ABTB3: variants seen among roughly 807,000 people sequenced by gnomAD.
ABTB3 encodes the protein ankyrin repeat and BTB domain containing 3.
the ABTB3 span, among the ~76,000 whole-genome samples, chr12:107,595,444 A>G: frequency 6.6e-6 from 1 of 152,156 alleles, no homozygotes; most frequent in African/African-American, 2.4e-5. Context: ...CAATGGGGGG[A>G]AAAGAAATGC....
chr12:107,439,595 G>A, the ABTB3 span, among the ~76,000 whole-genome samples: 6 of 151,894 alleles, frequency 4.0e-5, no homozygotes, highest in African/African-American at 7.3e-5. Flanking sequence ...CTTTTCTCCC[G>A]GCCCAGCACA....
chr12:107,337,053 C>G, the ABTB3 span, among the ~76,000 whole-genome samples: 1 of 152,200 alleles, frequency 6.6e-6, no homozygotes, highest in Non-Finnish European at 1.5e-5. Context: ...GCCCATTATC[C>G]CTTTGTACCC....
At chr12:107,390,320 G>C in the ABTB3 span, among the ~76,000 whole-genome samples, 1 of 152,228 alleles carries the variant, frequency 6.6e-6, no homozygotes, top group South Asian at 2.1e-4. Context: ...ATGGATGAGA[G>C]AATAGCCTTA....
chr12:107,578,964 C>T, the ABTB3 span, among the ~76,000 whole-genome samples: 6 of 152,306 alleles, frequency 3.9e-5, no homozygotes, highest in East Asian at 3.9e-4. Context: ...GGAGCTGCGG[C>T]GGGAGCCGTG....
At chr12:107,423,743 T>C in the ABTB3 span, among the ~76,000 whole-genome samples, 46 of 152,294 alleles carry the variant, frequency 3.0e-4, no homozygotes, top group South Asian at 9.1e-3. Flanking sequence ...CTGATACCAC[T>C]CCAGGCCTGT....
chr12:107,433,675 T>C, the ABTB3 span, among the ~76,000 whole-genome samples: 1 of 152,054 alleles, frequency 6.6e-6, no homozygotes, highest in Non-Finnish European at 1.5e-5. Context: ...AGATGTAAGC[T>C]CTAGAATTAT....
chr12:107,522,323 G>A, the ABTB3 span, among the ~76,000 whole-genome samples: 1 of 152,098 alleles, frequency 6.6e-6, no homozygotes. Flanking sequence ...TTTGTCCCCA[G>A]AAGTTATCAT....
At chr12:107,645,065 C>G in the ABTB3 span, among the ~76,000 whole-genome samples, 1 of 151,774 alleles carries the variant, frequency 6.6e-6, no homozygotes, top group Non-Finnish European at 1.5e-5. Flanking sequence ...CTCCGCCTCC[C>G]GGGTTCAAGT....
At chr12:107,401,914 G>GTTTTTTTTT in the ABTB3 span, among the ~76,000 whole-genome samples, 1 of 130,900 alleles carries the variant, frequency 7.6e-6, no homozygotes, top group Non-Finnish European at 1.6e-5. Context: ...ACCGCTTAGG[G>GTTTTTTTTT]TTTTTTTTTT....
the ABTB3 span, among the ~76,000 whole-genome samples, chr12:107,515,519 TG>T: frequency 6.6e-6 from 1 of 151,986 alleles, no homozygotes. Context: ...CTTTAAGGGG[TG>T]GTAAGTTCCT....
chr12:107,366,378 T>C, the ABTB3 span, among the ~76,000 whole-genome samples: 1 of 152,150 alleles, frequency 6.6e-6, no homozygotes, highest in African/African-American at 2.4e-5. Flanking sequence ...CCTCCTCTTC[T>C]AAAACCTTTA....
chr12:107,604,007 A>G, the ABTB3 span, among the ~76,000 whole-genome samples: 1 of 152,058 alleles, frequency 6.6e-6, no homozygotes, highest in African/African-American at 2.4e-5. Context: ...ATCTCTACTA[A>G]AAATACAAAA....
chr12:107,533,839 A>T, the ABTB3 span, among the ~76,000 whole-genome samples: 2 of 152,208 alleles, frequency 1.3e-5, no homozygotes, highest in Non-Finnish European at 2.9e-5. Flanking sequence ...TCTCAACAAC[A>T]CATGGAATAT....
the ABTB3 span, among the ~76,000 whole-genome samples, chr12:107,481,910 T>TCTCTCTCTCTCTCTCTCC: frequency 2.1e-4 from 31 of 151,156 alleles, no homozygotes; most frequent in South Asian, 5.0e-3. Flanking sequence ...TCTCTCTCTC[T>TCTCTCTCTCTCTCTCTCC]CTCTCTCTCT....
the ABTB3 span, among the ~76,000 whole-genome samples, chr12:107,399,264 C>G: frequency 6.6e-6 from 1 of 152,138 alleles, no homozygotes; most frequent in Non-Finnish European, 1.5e-5. Context: ...AAGAGTGATT[C>G]TTTTTTGAAG....
chr12:107,637,820 GTGTGTGTGTGTGT>G, the ABTB3 span, among the ~76,000 whole-genome samples: 1 of 149,500 alleles, frequency 6.7e-6, no homozygotes, highest in African/African-American at 2.4e-5. Flanking sequence ...GTGTGTGTGT[GTGTGTGTGTGTGT>G]GGTATGGTGT....
At chr12:107,643,773 TGAGAGA>T in the ABTB3 span, among the ~76,000 whole-genome samples, 4 of 137,180 alleles carry the variant, frequency 2.9e-5, no homozygotes, top group Non-Finnish European at 6.3e-5. Context: ...TTTTTTTTGT[TGAGAGA>T]GAGAGAGAGG....
chr12:107,553,735 T>TTG, the ABTB3 span, among the ~76,000 whole-genome samples: 1 of 152,168 alleles, frequency 6.6e-6, no homozygotes, highest in Non-Finnish European at 1.5e-5. Flanking sequence ...GGGCAGGAAT[T>TTG]CAAGACCATC....
the ABTB3 span, among the ~76,000 whole-genome samples, chr12:107,554,959 G>A: frequency 2.0e-5 from 3 of 152,140 alleles, no homozygotes. Context: ...GACTTTGGGG[G>A]CTGGAGTGAG....
Sources: gnomAD v4.1 joint callset for allele counts (sites outside exome capture counted in the v4.1 genomes callset) on GRCh38, gnomAD v4.1.1 for gene constraint, MANE v1.5 for transcripts, NCBI Gene and HGNC (gene_info 2026-07-23, HGNC 2026-07-21) for gene names.